AREL1: variants seen among roughly 807,000 people sequenced by gnomAD.
The protein encoded by AREL1 is apoptosis-resistant E3 ubiquitin protein ligase 1.
A neutral mutation model predicts 99.0 loss-of-function variants in AREL1; 62 were observed. The ratio of observed to expected loss-of-function variants is 0.63; its 90% CI spans 0.51 to 0.77. AREL1 has a LOEUF of 0.77. Among genes scored for constraint, AREL1 ranks in the 30% least tolerant of loss-of-function variants. The pLI, the probability that AREL1 is intolerant of heterozygous loss-of-function variation, is 0.00. For synonymous variants in AREL1, 380 were observed against 376.5 expected (o/e 1.01, Z -0.11); for missense variants, 879 against 1,027.6 (o/e 0.86, Z 1.98).
At position 74,692,100 on chromosome 14, in the gene AREL1, G is replaced by T; in HGVS notation, c.-105C>A. ...AGAGCACTCCTATTCACCAAAGCAG[G>T]TAACTTTTGGCCCCTTTCACCTTGT... On this transcript the variant is annotated 5_prime_UTR_variant, in exon 2 of 20. It introduces an in-frame stop codon into an upstream open reading frame of the 5' UTR. Transcript: ENST00000356357. The T allele has an allele frequency of 2.3e-6, 1 of 430,348 alleles. No homozygotes were observed. Among genetic ancestry groups the T allele is most frequent in the Admixed American group, 3.1e-5 (1 of 32,460 alleles). 26.7% of individuals were successfully genotyped at this position (430,348 alleles called of 1,614,324 possible).
intron 1 of AREL1, among the ~76,000 whole-genome samples, chr14:74,712,486 G>T (rs2140009795): frequency 6.6e-6 from 1 of 152,264 alleles, no homozygotes; most frequent in African/African-American, 2.4e-5. Flanking sequence ...TTCGCTCCTT[G>T]TTCTCACAAA....
intron 1 of AREL1, among the ~76,000 whole-genome samples, chr14:74,700,005 C>T (rs1175055313): frequency 6.6e-6 from 1 of 152,156 alleles, no homozygotes; most frequent in Non-Finnish European, 1.5e-5. Context: ...TTGTGCCAGG[C>T]CACAATAGCC....
In AREL1 at chr14:74,661,298, T is replaced by C. The variant is rs2089071548; in HGVS notation, c.*2422A>G. On this transcript the variant is annotated 3_prime_UTR_variant, in exon 20 of 20. Coordinates refer to ENST00000356357, the MANE Select transcript of AREL1 (RefSeq NM_001039479.2). ...TTATCTACTGTACAAAATATTTACA[T>C]CATCAGCTGCAACTGCCTGGCCCTT... The C allele has an allele frequency of 2.2e-6, 1 of 456,214 alleles. No homozygotes were observed. Among genetic ancestry groups the C allele is most frequent in the African/African-American group, 2.0e-5 (1 of 50,056 alleles). The allele number at this position is 456,214 out of a possible 1,614,324, so 28.3% of individuals were successfully genotyped here.
chr14:74,688,769 G>A (rs1160505169), intron 2 of AREL1, among the ~76,000 whole-genome samples: 5 of 151,990 alleles, frequency 3.3e-5, no homozygotes, highest in African/African-American at 4.8e-5. Flanking sequence ...ATTTGCCTTC[G>A]TTCTACAAAT....
At chr14:74,696,652 T>C (rs1051686484) in intron 1 of AREL1, among the ~76,000 whole-genome samples, 3 of 152,104 alleles carry the variant, frequency 2.0e-5, no homozygotes, top group African/African-American at 7.2e-5. Context: ...GAAACCAGAC[T>C]GGGCCCTCTC....
chr14:74,677,500 CTTTTTTTTTTTTT>C (rs58383006), intron 5 of AREL1, among the ~76,000 whole-genome samples: 2 of 63,120 alleles, frequency 3.2e-5, no homozygotes, highest in Admixed American at 2.1e-4. Context: ...TGTCTCTCTC[CTTTTTTTTTTTTT>C]TTTTTTTTTT....
At chr14:74,670,970 T>C in intron 12 of AREL1, 99 bp from the exon 13 acceptor site, 2 of 881,498 alleles carry the variant, frequency 2.3e-6, no homozygotes, top group Non-Finnish European at 3.6e-6. Flanking sequence ...ATTCCCTCTA[T>C]TGTACTACTC....
At chr14:74,694,117 G>A (rs1349711158) in intron 1 of AREL1, among the ~76,000 whole-genome samples, 1 of 152,128 alleles carries the variant, frequency 6.6e-6, no homozygotes, top group Non-Finnish European at 1.5e-5. Context: ...AGACGTTGAC[G>A]TGAGCCGAGA....
chr14:74,683,561 T>C (rs780204025), intron 4 of AREL1, 28 bp from the exon 5 acceptor site: 1 of 1,605,686 alleles, frequency 6.2e-7, no homozygotes, highest in Non-Finnish European at 8.5e-7. Context: ...AGGACACCTG[T>C]TAGCAAGCAG....
At chr14:74,665,261 C>A (rs1450794571) in intron 17 of AREL1, among the ~76,000 whole-genome samples, 6 of 149,038 alleles carry the variant, frequency 4.0e-5, no homozygotes, top group African/African-American at 1.5e-4. Flanking sequence ...TCAGGTATTT[C>A]TTTCTTTTCT....
chr14:74,702,905 T>A (rs752636254), intron 1 of AREL1, among the ~76,000 whole-genome samples: 7 of 152,184 alleles, frequency 4.6e-5, no homozygotes, highest in African/African-American at 1.2e-4. Context: ...CTCATCTCCA[T>A]CTGAGACCAC....
intron 15 of AREL1, 48 bp downstream of exon 15, chr14:74,669,601 C>T: frequency 6.3e-7 from 1 of 1,597,080 alleles, no homozygotes; most frequent in African/African-American, 1.3e-5. Flanking sequence ...TCCTGCTCTA[C>T]AGGAAACTGG....
rs781463875 is a variant in AREL1 at position 74,683,363 on chromosome 14, A to G, written c.414T>C (p.Tyr138=). The change falls in exon 5 of 20, where the codon TAT becomes TAC. Residue 138 remains tyrosine (Y), a synonymous_variant. Coordinates refer to ENST00000356357, the MANE Select transcript of AREL1 (RefSeq NM_001039479.2). ...ATCCACCAAGCTTCACTGTGATTTC[A>G]TAACGCCCAGCCTTGCGCACAGTGA... ...VAFTVRKAGR[Y]EITVKLGGLN... is the part of the protein sequence containing the mutation. 1.1e-5 allele frequency: 18 copies of G among 1,614,054 alleles called. No individual in the cohort carries two copies. The highest frequency in any genetic ancestry group is 8.9e-5 in the East Asian group (4 of 44,898).
At chr14:74,678,322 C>T (rs923940985) in intron 5 of AREL1, 6 of 400,562 alleles carry the variant, frequency 1.5e-5, no homozygotes, top group African/African-American at 4.3e-5. Context: ...CATAGTGAGA[C>T]CCTATTCCTA....
chr14:74,690,686 T>C (rs1460528669), intron 2 of AREL1, among the ~76,000 whole-genome samples: 1 of 152,250 alleles, frequency 6.6e-6, no homozygotes, highest in Non-Finnish European at 1.5e-5. Flanking sequence ...TCTACTGTAC[T>C]ATTTCATCAA....
At chr14:74,671,300 G>A in intron 12 of AREL1, 108 bp downstream of exon 12, 1 of 360,852 alleles carries the variant, frequency 2.8e-6, no homozygotes, top group Non-Finnish European at 4.8e-6. Context: ...TTTTTAGGGA[G>A]TGAGTAGGAG....
In AREL1 at chr14:74,676,251, A is replaced by G. The variant is rs2089471077; in HGVS notation, c.722T>C (p.Phe241Ser). The change falls in exon 7 of 20, where the codon TTC (phenylalanine) becomes TCC (serine). Residue 241 changes from phenylalanine to serine, a missense_variant. Physicochemically the swap from Phe to Ser is radical, Grantham distance 155. Transcript: ENST00000356357. ...EKSVTSNRQTFQVFLRLTLHS... is the reference protein window; with the variant it reads ...EKSVTSNRQTSQVFLRLTLHS... The stretch of plus-strand genomic sequence containing the variant: ...CAGGGTGAGTCGCAAGAACACCTGG[A>G]AAGTCTGCCTGTTGGATGTTACTGA... 1.9e-6 allele frequency: 3 copies of G among 1,614,184 alleles called. No homozygotes were observed. Among genetic ancestry groups the G allele is most frequent in the Non-Finnish European group, 2.5e-6 (3 of 1,180,026 alleles).
rs1361948806 is a variant in AREL1, at chr14:74,662,803, A to G, written c.*917T>C. 1 of 390,688 alleles carries G rather than the reference A, an allele frequency of 2.6e-6. No individual in the cohort carries two copies. Among genetic ancestry groups the G allele is most frequent in the Non-Finnish European group, 4.5e-6 (1 of 221,808 alleles). 24.2% of individuals were successfully genotyped at this position (390,688 alleles called of 1,614,324 possible). ...TCTTACTGTTCTAATCTTTTGCTACAAAATTTTCTTCAGTAGAATGCTAAA... is the reference window on the plus strand; with the variant it reads ...TCTTACTGTTCTAATCTTTTGCTACGAAATTTTCTTCAGTAGAATGCTAAA... On this transcript the variant is annotated 3_prime_UTR_variant, in exon 20 of 20. Coordinates refer to ENST00000356357, the MANE Select transcript of AREL1 (RefSeq NM_001039479.2).
In AREL1 at chr14:74,662,436, A is replaced by C. The variant is rs2139843447; in HGVS notation, c.*1284T>G. The C allele has an allele frequency of 2.5e-6, 1 of 397,148 alleles. No homozygotes were observed. Among genetic ancestry groups the C allele is most frequent in the South Asian group, 1.4e-4 (1 of 7,320 alleles). The allele number at this position is 397,148 out of a possible 1,614,324, so 24.6% of individuals were successfully genotyped here. On this transcript the variant is annotated 3_prime_UTR_variant, in exon 20 of 20. Transcript: ENST00000356357. ...TTAAAAACACAAATTTGGGAAGTCA[A>C]TGAGATTTTGAATCTTGAAATTATT...
Sources: allele counts gnomAD v4.1 joint callset (sites outside exome capture counted in the v4.1 genomes callset), GRCh38; gene constraint gnomAD v4.1.1; transcripts MANE v1.5; gene names NCBI Gene and HGNC (gene_info 2026-07-23, HGNC 2026-07-21).